The following ALDH1A2 variants were observed in gnomAD, a reference collection of about 807,000 sequenced individuals.
ALDH1A2 encodes the protein aldehyde dehydrogenase 1 family member A2, also known as retinal dehydrogenase 2.
In ALDH1A2, 27 loss-of-function variants were observed where a neutral mutation model predicts 60.3. That is an observed-to-expected ratio of 0.45 (90% CI 0.33 to 0.62). The LOEUF is 0.62. ALDH1A2 is among the 20% of genes least tolerant of loss of function. The pLI is 0.02. For synonymous variants in ALDH1A2, 289 were observed against 232.4 expected, an observed-to-expected ratio of 1.24 and a Z score of -2.21; for missense variants, 581 against 643.8, an observed-to-expected ratio of 0.90 and a Z score of 1.06.
intron 7 of ALDH1A2, among the ~76,000 whole-genome samples, chr15:57,991,204 T>C (rs1274380120): frequency 6.6e-6 from 1 of 152,224 alleles, no homozygotes; most frequent in East Asian, 1.9e-4. Flanking sequence ...TTGTCTTAAA[T>C]TGATTGCATC....
intron 1 of ALDH1A2, among the ~76,000 whole-genome samples, chr15:58,064,730 A>T (rs1897128000): frequency 6.6e-6 from 1 of 151,942 alleles, no homozygotes; most frequent in East Asian, 1.9e-4. Context: ...GTAATCGATC[A>T]TTTTTTTTCT....
intron 7 of ALDH1A2, among the ~76,000 whole-genome samples, chr15:57,977,555 T>C (rs1250693219): frequency 6.6e-6 from 1 of 152,232 alleles, no homozygotes; most frequent in Non-Finnish European, 1.5e-5. Flanking sequence ...GCCTCTGTTC[T>C]GTTCCATTGG....
At position 57,995,129 on chromosome 15, in the gene ALDH1A2, A is replaced by G. The variant is rs776622530; in HGVS notation, c.504T>C (p.Tyr168=). 1 of 1,610,510 alleles carries G rather than the reference A, an allele frequency of 6.2e-7. No homozygotes were observed. Among genetic ancestry groups the G allele is most frequent in the Non-Finnish European group, 8.5e-7 (1 of 1,177,996 alleles). The part of the protein sequence containing the change: ...HGMTIPVDGD[Y]FTFTRHEPIG... ...TGGGTTCATGTCTTGTAAAGGTAAA[A>G]TAGTCTCCATCTGAAAGAAAAAAGC... Residue 168 remains tyrosine (Y), a synonymous_variant, in exon 5 of 13, where the codon TAT becomes TAC. Coordinates refer to ENST00000249750, the MANE Select transcript of ALDH1A2 (RefSeq NM_003888.4).
chr15:58,018,564 G>C (rs749062826), intron 1 of ALDH1A2, among the ~76,000 whole-genome samples: 2 of 152,084 alleles, frequency 1.3e-5, no homozygotes, highest in African/African-American at 2.4e-5. Flanking sequence ...CTCCCCTCAA[G>C]ATACTTAATT....
At chr15:58,026,123 CAAAATAAG>C (rs1422528183) in intron 1 of ALDH1A2, among the ~76,000 whole-genome samples, 1 of 152,126 alleles carries the variant, frequency 6.6e-6, no homozygotes, top group African/African-American at 2.4e-5. Context: ...GATACAACAA[CAAAATAAG>C]AAAACTACAA....
intron 7 of ALDH1A2, among the ~76,000 whole-genome samples, chr15:57,981,681 T>C (rs1894519294): frequency 1.3e-5 from 2 of 152,148 alleles, no homozygotes; most frequent in South Asian, 2.1e-4. Context: ...GTGGATCAAA[T>C]CCAGTGCCTC....
intron 1 of ALDH1A2, among the ~76,000 whole-genome samples, chr15:58,034,811 G>C (rs1350603576): frequency 1.3e-5 from 2 of 151,770 alleles, no homozygotes; most frequent in East Asian, 3.9e-4. Context: ...TTGTATGCCT[G>C]AAATAAATCC....
chr15:57,998,606 C>T (rs1358685714), intron 4 of ALDH1A2, among the ~76,000 whole-genome samples: 17 of 151,802 alleles, frequency 1.1e-4, no homozygotes, highest in African/African-American at 3.1e-4. Context: ...AGAATCAATA[C>T]CATGAAAATG....
At chr15:57,965,404 G>A (rs1437878344) in intron 8 of ALDH1A2, among the ~76,000 whole-genome samples, 1 of 152,206 alleles carries the variant, frequency 6.6e-6, no homozygotes, top group East Asian at 1.9e-4. Context: ...AATCTAGGCA[G>A]AGAGACTATC....
intron 1 of ALDH1A2, among the ~76,000 whole-genome samples, chr15:58,033,937 G>A (rs1566955753): frequency 6.7e-6 from 1 of 149,146 alleles, no homozygotes. Flanking sequence ...CTCCTCTTTT[G>A]TTCTTTTCCT....
At chr15:58,018,816 ATACT>A (rs1304658980) in intron 1 of ALDH1A2, among the ~76,000 whole-genome samples, 2 of 152,214 alleles carry the variant, frequency 1.3e-5, no homozygotes, top group Non-Finnish European at 2.9e-5. Flanking sequence ...TAATTGTCCT[ATACT>A]TACTTAAAGT....
intron 7 of ALDH1A2, among the ~76,000 whole-genome samples, chr15:57,984,459 A>C (rs188830209): frequency 6.6e-6 from 1 of 152,340 alleles, no homozygotes; most frequent in African/African-American, 2.4e-5. Flanking sequence ...TGCATCCATC[A>C]CAACCATTAC....
intron 1 of ALDH1A2, among the ~76,000 whole-genome samples, chr15:58,062,942 G>A (rs190168207): frequency 2.6e-5 from 4 of 152,276 alleles, no homozygotes; most frequent in Non-Finnish European, 5.9e-5. Context: ...TAATTCTGGA[G>A]CATTTCCACT....
chr15:57,977,320 G>C (rs1894296961), intron 7 of ALDH1A2, among the ~76,000 whole-genome samples: 1 of 152,156 alleles, frequency 6.6e-6, no homozygotes, highest in African/African-American at 2.4e-5. Flanking sequence ...CCTTGCCCAT[G>C]CCTATGTCCT....
rs539017110 is a variant in ALDH1A2, at chr15:58,060,941, T to C, written c.117+4593A>G. On this transcript the variant is annotated intron_variant, in intron 1 of 12. Transcript: ENST00000249750. The stretch of plus-strand genomic sequence containing the variant: ...TACTGATTTTGTCATGGTTAAATCA[T>C]TGTGCTTCATTGATGCAACAGAGAA... 3.9e-5 allele frequency among the ~76,000 whole-genome samples: 6 copies of C among 152,328 alleles called. No individual in the cohort carries two copies. In the South Asian group the frequency reaches 1.0e-3, roughly 26 times the overall value.
chr15:57,998,275 A>C (rs1393799340), intron 4 of ALDH1A2, among the ~76,000 whole-genome samples: 1 of 152,098 alleles, frequency 6.6e-6, no homozygotes, highest in African/African-American at 2.4e-5. Flanking sequence ...CTTTTTGCAG[A>C]TGACATGGTC....
intron 4 of ALDH1A2, among the ~76,000 whole-genome samples, chr15:58,000,954 C>G (rs769830864): frequency 1.6e-4 from 23 of 145,108 alleles, no homozygotes; most frequent in Non-Finnish European, 7.5e-5. Flanking sequence ...TTTTGTCTCT[C>G]TAATAACTCT....
intron 1 of ALDH1A2, among the ~76,000 whole-genome samples, chr15:58,029,881 T>C (rs1238843848): frequency 6.6e-6 from 1 of 152,098 alleles, no homozygotes; most frequent in East Asian, 1.9e-4. Context: ...AGTTCTGAAA[T>C]TGAGGCAATA....
chr15:57,997,590 A>G (rs1404381675), intron 4 of ALDH1A2, among the ~76,000 whole-genome samples: 2 of 152,020 alleles, frequency 1.3e-5, no homozygotes, highest in Non-Finnish European at 2.9e-5. Context: ...CAAGCACTGC[A>G]TGGCAATTCA....
Sources: gnomAD v4.1 joint callset for allele counts (sites outside exome capture counted in the v4.1 genomes callset) on GRCh38, gnomAD v4.1.1 for gene constraint, MANE v1.5 for transcripts, NCBI Gene and HGNC (gene_info 2026-07-23, HGNC 2026-07-21) for gene names.